The following ACBD6 variants were observed in gnomAD, a reference collection of about 807,000 sequenced individuals.
ACBD6 encodes acyl-CoA-binding domain-containing protein 6.
A neutral mutation model predicts 37.2 loss-of-function variants in ACBD6; 28 were observed. The observed-to-expected ratio is 0.75, with a 90% CI of 0.56 to 1.03. The LOEUF (loss-of-function observed/expected upper bound fraction) is 1.03. Ranked by LOEUF, ACBD6 falls within the 50% of genes least tolerant of loss-of-function variation. ACBD6 has a pLI of 0.00. For synonymous variants in ACBD6, 113 were observed against 126.8 expected, an observed-to-expected ratio of 0.89 and a Z score of 0.73; for missense variants, 340 against 337.4, an observed-to-expected ratio of 1.01 and a Z score of -0.06.
intron 6 of ACBD6, among the ~76,000 whole-genome samples, chr1:180,380,436 A>C (rs1204347669): frequency 6.6e-6 from 1 of 152,144 alleles, no homozygotes; most frequent in Non-Finnish European, 1.5e-5. Flanking sequence ...AAAGTCCTGA[A>C]GGAAAAAAAT....
chr1:180,452,779 TA>T (rs1320348484), intron 3 of ACBD6, among the ~76,000 whole-genome samples: 1 of 152,164 alleles, frequency 6.6e-6, no homozygotes, highest in Non-Finnish European at 1.5e-5. Context: ...GAGAATACTA[TA>T]AACACCTCTA....
intron 3 of ACBD6, among the ~76,000 whole-genome samples, chr1:180,433,260 C>T (rs915745053): frequency 2.0e-5 from 3 of 152,212 alleles, no homozygotes; most frequent in African/African-American, 7.2e-5. Flanking sequence ...TCATATAACA[C>T]AGCATATTAA....
intron 3 of ACBD6, among the ~76,000 whole-genome samples, chr1:180,480,174 A>G (rs10737344): frequency 0.96 from 145,418 of 152,270 alleles, 69,503 homozygotes; most frequent in African/African-American, 0.99. Context: ...TTTAAATGGG[A>G]TAAACATGGT....
At chr1:180,271,249 C>T (rs1322228984) in exon 14 of ACBD6, 12 of 987,400 alleles carry the variant, frequency 1.2e-5, no homozygotes, top group Non-Finnish European at 2.0e-5. Context: ...ACTCTGATGT[C>T]CCCTGTGCCT....
At chr1:180,497,614 T>C (rs1254890860) in intron 1 of ACBD6, among the ~76,000 whole-genome samples, 5 of 152,166 alleles carry the variant, frequency 3.3e-5, no homozygotes, top group African/African-American at 4.8e-5. Context: ...CATTTAAAAA[T>C]AATAAACCCA....
chr1:180,327,810 C>T (rs1281754734), intron 6 of ACBD6, among the ~76,000 whole-genome samples: 1 of 152,166 alleles, frequency 6.6e-6, no homozygotes, highest in African/African-American at 2.4e-5. Flanking sequence ...TGCAAAATCA[C>T]TACTATATTC....
intron 5 of ACBD6, among the ~76,000 whole-genome samples, chr1:180,402,692 C>T (rs1647428967): frequency 6.6e-6 from 1 of 151,722 alleles, no homozygotes; most frequent in Non-Finnish European, 1.5e-5. Flanking sequence ...ACTCAGGAGG[C>T]TCGGCTCAAC....
intron 3 of ACBD6, among the ~76,000 whole-genome samples, chr1:180,479,088 G>C (rs903449749): frequency 6.6e-6 from 1 of 152,162 alleles, no homozygotes. Context: ...AGCTAGGATT[G>C]CACCACTGCA....
chr1:180,448,769 ACTG>A, intron 3 of ACBD6, among the ~76,000 whole-genome samples: 1 of 152,310 alleles, frequency 6.6e-6, no homozygotes, highest in Admixed American at 6.5e-5. Context: ...TAGGTACTCT[ACTG>A]CTTCCTTCTG....
At chr1:180,287,578 C>CTTTTTT (rs72179174), downstream of ACBD6, among the ~76,000 whole-genome samples, 1 of 71,568 alleles carries the variant, frequency 1.4e-5, no homozygotes. Context: ...CAGATCTAAG[C>CTTTTTT]TTTTTTTTTT....
intron 6 of ACBD6, among the ~76,000 whole-genome samples, chr1:180,363,255 G>A (rs574273118): frequency 8.5e-5 from 13 of 152,162 alleles, no homozygotes; most frequent in African/African-American, 3.1e-4. Flanking sequence ...GTAATTAAAA[G>A]GTTATTTTTA....
chr1:180,302,475 C>T (rs1242008407), intron 7 of ACBD6, among the ~76,000 whole-genome samples: 1 of 152,010 alleles, frequency 6.6e-6, no homozygotes, highest in Non-Finnish European at 1.5e-5. Context: ...ATGTAATGGC[C>T]TTCTTTGTCT....
intron 6 of ACBD6, among the ~76,000 whole-genome samples, chr1:180,334,555 T>C (rs1651625929): frequency 1.3e-5 from 2 of 151,638 alleles, no homozygotes; most frequent in Non-Finnish European, 2.9e-5. Flanking sequence ...ACCACAAAGA[T>C]GGGAAAAAAA....
chr1:180,311,596 T>C (rs545132801), intron 7 of ACBD6, among the ~76,000 whole-genome samples: 10 of 152,220 alleles, frequency 6.6e-5, no homozygotes, highest in African/African-American at 2.4e-4. Flanking sequence ...CAGGACAGCC[T>C]TAGCAAAAGG....
At chr1:180,272,637 T>A (rs1429272556) in exon 13 of ACBD6, 2 of 152,428 alleles carry the variant, frequency 1.3e-5, no homozygotes, top group African/African-American at 4.8e-5. Flanking sequence ...CCTCAGGTTG[T>A]TTGCAAAGAA....
chr1:180,287,578 CTTTTTTTTTTTT>C (rs72179174), downstream of ACBD6, among the ~76,000 whole-genome samples: 1 of 71,570 alleles, frequency 1.4e-5, no homozygotes, highest in Non-Finnish European at 2.8e-5. Context: ...CAGATCTAAG[CTTTTTTTTTTTT>C]TTTTTTTTTT....
chr1:180,489,913 C>A (rs1651425991), intron 3 of ACBD6, among the ~76,000 whole-genome samples: 2 of 152,194 alleles, frequency 1.3e-5, no homozygotes, highest in Admixed American at 1.3e-4. Flanking sequence ...CCCGCCTCAG[C>A]CTCCCAAAGT....
intron 6 of ACBD6, among the ~76,000 whole-genome samples, chr1:180,388,506 G>A (rs1050683028): frequency 6.6e-6 from 1 of 152,120 alleles, no homozygotes; most frequent in African/African-American, 2.4e-5. Flanking sequence ...ATATAATCTT[G>A]TATATAAAAA....
intron 3 of ACBD6, among the ~76,000 whole-genome samples, chr1:180,443,486 T>C (rs760251042): frequency 6.6e-6 from 1 of 152,190 alleles, no homozygotes; most frequent in Non-Finnish European, 1.5e-5. Flanking sequence ...CTCTCTGGTA[T>C]TCAGCCCCGC....
Sources: allele counts gnomAD v4.1 joint callset (sites outside exome capture counted in the v4.1 genomes callset), GRCh38; gene constraint gnomAD v4.1.1; transcripts MANE v1.5; gene names NCBI Gene and HGNC (gene_info 2026-07-23, HGNC 2026-07-21).